The following NTRK3 variants were observed in gnomAD, a reference collection of about 807,000 sequenced individuals.
The protein encoded by NTRK3 is NT-3 growth factor receptor.
A neutral mutation model predicts 91.7 loss-of-function variants in NTRK3; 24 were observed. The observed-to-expected ratio is 0.26, with a 90% CI of 0.19 to 0.37. The LOEUF (loss-of-function observed/expected upper bound fraction) is 0.37, where lower values mean the gene tolerates loss of function less well. Among genes scored for constraint, NTRK3 ranks in the 10% least tolerant of loss-of-function variants. NTRK3 has a pLI of 1.00. For missense variants in NTRK3, 880 were observed against 1,068.9 expected, an observed-to-expected ratio of 0.82 and a Z score of 2.46; for synonymous variants, 483 against 404.0, an observed-to-expected ratio of 1.20 and a Z score of -2.34.
At chr15:88,120,744 T>C (rs2052616029) in intron 13 of NTRK3, among the ~76,000 whole-genome samples, 1 of 152,216 alleles carries the variant, frequency 6.6e-6, no homozygotes, top group African/African-American at 2.4e-5. Context: ...ATCAGAGCCT[T>C]GGAGGGATTG....
At chr15:88,200,157 C>T (rs2048179573) in intron 3 of NTRK3, among the ~76,000 whole-genome samples, 1 of 152,210 alleles carries the variant, frequency 6.6e-6, no homozygotes, top group Non-Finnish European at 1.5e-5. Context: ...CCCCTGCATT[C>T]ACCACAAAGA....
exon 7 of NTRK3, chr15:88,137,439 T>A: frequency 6.2e-7 from 1 of 1,614,140 alleles, no homozygotes; most frequent in Non-Finnish European, 8.5e-7. Flanking sequence ...GAGAGGAAGC[T>A]GGGAGCCATC....
chr15:87,993,811 A>T (rs2075469463), intron 14 of NTRK3, among the ~76,000 whole-genome samples: 2 of 152,202 alleles, frequency 1.3e-5, no homozygotes, highest in Admixed American at 1.3e-4. Flanking sequence ...TCAGAGCTGG[A>T]TAAAGGGAGA....
At chr15:87,895,180 A>G (rs768186381) in intron 17 of NTRK3, among the ~76,000 whole-genome samples, 1 of 152,238 alleles carries the variant, frequency 6.6e-6, no homozygotes, top group Non-Finnish European at 1.5e-5. Context: ...CCAGAAAAGC[A>G]ATGACTTGTC....
chr15:88,212,370 AAAAAAT>A (rs1383707092), intron 3 of NTRK3, among the ~76,000 whole-genome samples: 1 of 152,206 alleles, frequency 6.6e-6, no homozygotes, highest in Non-Finnish European at 1.5e-5. Context: ...ACTCCATCTC[AAAAAAT>A]AAAAATAAAA....
At chr15:87,897,238 G>T (rs1007672139) in intron 17 of NTRK3, among the ~76,000 whole-genome samples, 2 of 152,150 alleles carry the variant, frequency 1.3e-5, no homozygotes, top group African/African-American at 4.8e-5. Context: ...CAGGAGCAAA[G>T]TTCTGAGGGA....
chr15:87,918,015 ATTTG>A (rs1011933480), intron 17 of NTRK3, among the ~76,000 whole-genome samples: 1 of 148,842 alleles, frequency 6.7e-6, no homozygotes, highest in Non-Finnish European at 1.5e-5. Context: ...TTTGTTTTGT[ATTTG>A]TTTGTTTGTT....
chr15:88,250,576 C>T (rs1228757599), intron 3 of NTRK3, among the ~76,000 whole-genome samples: 3 of 152,130 alleles, frequency 2.0e-5, no homozygotes, highest in African/African-American at 4.8e-5. Flanking sequence ...AACTCTGATC[C>T]GGAACTGAGA....
At chr15:88,207,258 T>A (rs950264350) in intron 3 of NTRK3, among the ~76,000 whole-genome samples, 4 of 152,166 alleles carry the variant, frequency 2.6e-5, no homozygotes, top group African/African-American at 9.7e-5. Context: ...GCCTCCAGGA[T>A]GGCACTGCGG....
At chr15:88,031,853 A>T (rs1309344674) in intron 14 of NTRK3, among the ~76,000 whole-genome samples, 1 of 152,120 alleles carries the variant, frequency 6.6e-6, no homozygotes, top group Non-Finnish European at 1.5e-5. Flanking sequence ...GGGGCTGAGC[A>T]AGACCAAAAA....
intron 15 of NTRK3, among the ~76,000 whole-genome samples, chr15:87,933,711 C>T (rs541987795): frequency 6.6e-6 from 1 of 152,370 alleles, no homozygotes; most frequent in South Asian, 2.1e-4. Flanking sequence ...AAGGTATCTA[C>T]ATTTGCAGAG....
chr15:88,245,144 C>T (rs893737236), intron 3 of NTRK3, among the ~76,000 whole-genome samples: 10 of 152,210 alleles, frequency 6.6e-5, no homozygotes, highest in African/African-American at 1.2e-4. Context: ...CTCTTGCCTC[C>T]GTCAGCTTTG....
chr15:88,206,854 G>A (rs986574904), intron 3 of NTRK3, among the ~76,000 whole-genome samples: 3 of 152,106 alleles, frequency 2.0e-5, no homozygotes. Flanking sequence ...CCCCACGCAG[G>A]GCCTTTGTTA....
chr15:88,179,241 T>C lies in NTRK3; in HGVS notation c.395+4177A>G, dbSNP rs80035689. Among the ~76,000 whole-genome samples the C allele has an allele frequency of 5.2e-3, 798 of 152,354 alleles. 7 individuals are homozygous for C. Among genetic ancestry groups the C allele is most frequent in the African/African-American group, 0.018 (751 of 41,594 alleles). On this transcript the variant is annotated intron_variant, in intron 5 of 18. Transcript: ENST00000394480. ...GCAGTTTTATGTGGTTTTCTAAACA[T>C]AGTAATGACTAGCAAAACATAGTAA...
chr15:87,861,437 A>G lies in NTRK3; in HGVS notation c.*15498T>C, dbSNP rs142274064. 2.6e-3 allele frequency: 546 copies of G among 206,076 alleles called. 3 individuals carry two copies. Among genetic ancestry groups the G allele is most frequent in the African/African-American group, 0.011 (467 of 43,988 alleles). 12.8% of individuals were successfully genotyped at this position (206,076 alleles called of 1,614,324 possible). On this transcript the variant is annotated 3_prime_UTR_variant, in exon 19 of 19. Coordinates refer to ENST00000394480, the Ensembl canonical transcript of NTRK3. Reference sequence around the variant, plus strand: ...ATCAGTGTATATCATTTACACGACAATAAATCCTTCATTTCCCTTGAAATA... The same window carrying G: ...ATCAGTGTATATCATTTACACGACAGTAAATCCTTCATTTCCCTTGAAATA...
intron 13 of NTRK3, among the ~76,000 whole-genome samples, chr15:88,066,301 C>T (rs569969365): frequency 7.2e-5 from 11 of 152,302 alleles, no homozygotes; most frequent in African/African-American, 2.4e-4. Flanking sequence ...CAGTAGATAT[C>T]TCTCCCTTTC....
Position 87,965,523 on chromosome 15 carries a change from CTGT to C in NTRK3, c.1586-24773_1586-24771del, listed in dbSNP as rs1458352614. On this transcript the variant is annotated intron_variant, in intron 14 of 18. Transcript: ENST00000394480. ...CAGTCTCTATGGCAACTGGGTGGGC[CTGT>C]AAGAGCATTGCCCCAGTGTGGAGAC... Among the ~76,000 whole-genome samples the C allele has an allele frequency of 3.9e-5, 6 of 152,210 alleles. No individual in the cohort carries two copies. The East Asian group carries it at 1.2e-3, about 29-fold the overall frequency.
chr15:88,249,572 A>G (rs1369625786), intron 3 of NTRK3, among the ~76,000 whole-genome samples: 2 of 152,064 alleles, frequency 1.3e-5, no homozygotes, highest in African/African-American at 4.8e-5. Flanking sequence ...GACATGAGGG[A>G]GAAGATGACT....
chr15:88,159,722 A>G (rs893353932), intron 5 of NTRK3, among the ~76,000 whole-genome samples: 3 of 152,102 alleles, frequency 2.0e-5, no homozygotes, highest in African/African-American at 7.2e-5. Flanking sequence ...CCTGGGAACA[A>G]ATGCCATTGT....
Sources: allele counts gnomAD v4.1 joint callset (sites outside exome capture counted in the v4.1 genomes callset), GRCh38; gene constraint gnomAD v4.1.1; transcripts MANE v1.5; gene names NCBI Gene and HGNC (gene_info 2026-07-23, HGNC 2026-07-21).